UROC1: variants seen among roughly 807,000 people sequenced by gnomAD.
The protein encoded by UROC1 is urocanate hydratase 1, also known as urocanate hydratase.
Under a neutral mutation model 89.5 loss-of-function variants are expected in UROC1, and 79 were observed. The observed-to-expected ratio is 0.88, with a 90% CI of 0.74 to 1.06. UROC1 has a LOEUF of 1.06. Among genes scored for constraint, UROC1 ranks in the 50% least tolerant of loss-of-function variants. The pLI, the probability that UROC1 is intolerant of heterozygous loss-of-function variation, is 0.00. For missense variants in UROC1, 885 were observed against 907.8 expected (o/e 0.97, Z 0.32); for synonymous variants, 361 against 354.8 (o/e 1.02, Z -0.20).
At chr3:126,510,850 G>A in intron 1 of UROC1, 56 bp from the exon 2 acceptor site, 5 of 1,593,914 alleles carry the variant, frequency 3.1e-6, no homozygotes, top group Middle Eastern at 4.0e-4. Flanking sequence ...CCGGTGTTCT[G>A]AGGCCCCGCG....
intron 6 of UROC1, 27 bp downstream of exon 6, chr3:126,507,715 T>C (rs1473805384): frequency 1.9e-5 from 31 of 1,612,196 alleles, no homozygotes; most frequent in Non-Finnish European, 2.5e-5. Context: ...GGAAACACGG[T>C]GTAAACAGAC....
chr3:126,515,495 C>A (rs1451400314), intron 1 of UROC1, among the ~76,000 whole-genome samples: 1 of 142,596 alleles, frequency 7.0e-6, no homozygotes, highest in Middle Eastern at 3.5e-3. Flanking sequence ...TACCACCTAC[C>A]CCTTCCACTC....
chr3:126,501,812 T>C, intron 9 of UROC1: 1 of 1,599,404 alleles, frequency 6.3e-7, no homozygotes, highest in South Asian at 1.1e-5. Context: ...AGGAGTGGCC[T>C]GGAGAAGCCC....
At chr3:126,499,128 C>T (rs113898357) in intron 13 of UROC1, among the ~76,000 whole-genome samples, 1 of 151,908 alleles carries the variant, frequency 6.6e-6, no homozygotes, top group Non-Finnish European at 1.5e-5. Context: ...AGGCGTCTCT[C>T]GTCTGCATTT....
intron 6 of UROC1, among the ~76,000 whole-genome samples, chr3:126,507,367 A>G (rs1215213863): frequency 6.6e-6 from 1 of 152,220 alleles, no homozygotes; most frequent in Admixed American, 6.5e-5. Flanking sequence ...AAAAAAAAAA[A>G]AAACAAGTTG....
At chr3:126,493,612 A>G (rs1442268123) in intron 15 of UROC1, among the ~76,000 whole-genome samples, 3 of 152,194 alleles carry the variant, frequency 2.0e-5, no homozygotes, top group African/African-American at 7.2e-5. Flanking sequence ...TAATGGGGAC[A>G]GAGTTTTGGT....
intron 18 of UROC1, among the ~76,000 whole-genome samples, chr3:126,487,826 G>C (rs777485): frequency 0.68 from 104,077 of 152,164 alleles, 35,982 homozygotes; most frequent in Non-Finnish European, 0.75. Context: ...AGAGCAGGAA[G>C]GAGAAGACCC....
Position 126,506,020 on chromosome 3 carries a change from A to G in UROC1, c.603-9T>C, listed in dbSNP as rs565270872. On this transcript the variant is annotated splice_polypyrimidine_tract_variant and intron_variant, in intron 6 of 19. Transcript: ENST00000290868. ...CTGTCATCTGGCCGTACCTGACCAC[A>G]GGGAGAGAAGCCAAGCCCAGGGCTC... is the stretch of plus-strand genomic sequence containing the variant. The G allele has an allele frequency of 1.2e-6, 2 of 1,613,354 alleles. No homozygotes were observed. Among genetic ancestry groups the G allele is most frequent in the South Asian group, 2.2e-5 (2 of 91,082 alleles).
Position 126,510,687 on chromosome 3 carries a change from C to T in UROC1, c.234G>A (p.Arg78=). ...LQLYGHIYMY[R]FCPDIEMRAY... ...ACCTCATTTCAATGTCGGGGCAAAA[C>T]CGGTACATGTAGATGTGTCCGTACA... Residue 78 remains arginine, a synonymous_variant, in exon 2 of 20, where the codon CGG becomes CGA. Coordinates refer to ENST00000290868, the MANE Select transcript of UROC1 (RefSeq NM_144639.3). 6.2e-7 allele frequency: 1 copy of T among 1,614,184 alleles called. No individual in the cohort carries two copies. Among genetic ancestry groups the T allele is most frequent in the Non-Finnish European group, 8.5e-7 (1 of 1,180,056 alleles).
At chr3:126,501,692 TG>T in intron 9 of UROC1, 1 of 1,332,016 alleles carries the variant, frequency 7.5e-7, no homozygotes, top group Non-Finnish European at 1.0e-6. Context: ...AAGCATATTT[TG>T]GGAAACAGAA....
chr3:126,506,420 G>A (rs969505977), intron 6 of UROC1, among the ~76,000 whole-genome samples: 17 of 152,174 alleles, frequency 1.1e-4, no homozygotes, highest in African/African-American at 2.9e-4. Flanking sequence ...CCCCTCCACC[G>A]GAGACGAGAG....
intron 9 of UROC1, among the ~76,000 whole-genome samples, chr3:126,503,563 G>T (rs967930219): frequency 6.6e-6 from 1 of 152,212 alleles, no homozygotes; most frequent in Admixed American, 6.5e-5. Flanking sequence ...TCACAGGCTC[G>T]CCACTGCAAC....
At chr3:126,487,565 A>T (rs920621915) in intron 18 of UROC1, among the ~76,000 whole-genome samples, 1 of 152,000 alleles carries the variant, frequency 6.6e-6, no homozygotes, top group Non-Finnish European at 1.5e-5. Flanking sequence ...CAGTTTGGAG[A>T]TGGCCACTGG....
intron 16 of UROC1, 146 bp downstream of exon 16, chr3:126,492,272 G>A: frequency 1.3e-6 from 1 of 772,520 alleles, no homozygotes; most frequent in South Asian, 1.5e-5. Flanking sequence ...CTGCTCCTGA[G>A]CACTGGGCTG....
At chr3:126,491,240 C>T (rs1326396453) in intron 16 of UROC1, among the ~76,000 whole-genome samples, 1 of 152,252 alleles carries the variant, frequency 6.6e-6, no homozygotes, top group Admixed American at 6.5e-5. Flanking sequence ...CTGCACGCCG[C>T]TCCTCATCCT....
chr3:126,488,546 G>A (rs1223391526), intron 17 of UROC1, among the ~76,000 whole-genome samples: 1 of 152,272 alleles, frequency 6.6e-6, no homozygotes, highest in Non-Finnish European at 1.5e-5. Context: ...GAAGCAGAGG[G>A]AACAGAAGAA....
chr3:126,508,073 AAGT>A lies in UROC1; in HGVS notation c.431_433del (p.Tyr144del). 6.2e-7 allele frequency: 1 copy of A among 1,613,986 alleles called. No individual in the cohort carries two copies. Among genetic ancestry groups the A allele is most frequent in the South Asian group, 1.1e-5 (1 of 91,088 alleles). On this transcript the variant is annotated inframe_deletion, in exon 5 of 20. Coordinates refer to ENST00000290868, the MANE Select transcript of UROC1 (RefSeq NM_144639.3). ...AGTCTGCTCCTCTGTCATCTTCGAC[AAGT>A]AGAACATGGTCAGCCAGAACTGGGG...
At chr3:126,497,651 C>T (rs1014260718) in intron 14 of UROC1, among the ~76,000 whole-genome samples, 41 of 152,228 alleles carry the variant, frequency 2.7e-4, no homozygotes, top group South Asian at 8.3e-4. Flanking sequence ...TGGTGTGCTG[C>T]GGGCTGCCCA....
At chr3:126,492,601 T>G in intron 15 of UROC1, 85 bp from the exon 16 acceptor site, 2 of 1,082,242 alleles carry the variant, frequency 1.8e-6, no homozygotes, top group Non-Finnish European at 2.7e-6. Flanking sequence ...GGGTGGCACT[T>G]CCACTGTGGG....
Sources: gnomAD v4.1 joint callset for allele counts (sites outside exome capture counted in the v4.1 genomes callset) on GRCh38, gnomAD v4.1.1 for gene constraint, MANE v1.5 for transcripts, NCBI Gene and HGNC (gene_info 2026-07-23, HGNC 2026-07-21) for gene names.